MOB3B: variants seen among roughly 807,000 people sequenced by gnomAD.
MOB3B encodes MOB kinase activator 3B, also known as MOB kinase activator-like 2B.
Under a neutral mutation model 18.7 loss-of-function variants are expected in MOB3B, and 7 were observed. The ratio of observed to expected loss-of-function variants is 0.37; its 90% CI spans 0.21 to 0.70. The LOEUF (loss-of-function observed/expected upper bound fraction) is 0.70. Among genes scored for constraint, MOB3B ranks in the 30% least tolerant of loss-of-function variants. The pLI, the probability that MOB3B is intolerant of heterozygous loss-of-function variation, is 0.52. For synonymous variants in MOB3B, 111 were observed against 99.9 expected, an observed-to-expected ratio of 1.11 and a Z score of -0.66; for missense variants, 253 against 281.3, an observed-to-expected ratio of 0.90 and a Z score of 0.72.
intron 3 of MOB3B, among the ~76,000 whole-genome samples, chr9:27,345,775 A>G (rs949907978): frequency 3.3e-5 from 5 of 152,170 alleles, no homozygotes; most frequent in Admixed American, 6.5e-5. Context: ...TGTGTATTTC[A>G]TGGGCTCAGG....
chr9:27,528,944 C>T (rs141369009), intron 1 of MOB3B, among the ~76,000 whole-genome samples: 41 of 152,258 alleles, frequency 2.7e-4, no homozygotes, highest in African/African-American at 9.6e-4. Flanking sequence ...GGCTGGGATT[C>T]CAGATGTTTG....
intron 1 of MOB3B, among the ~76,000 whole-genome samples, chr9:27,516,558 T>C (rs1012788803): frequency 1.3e-5 from 2 of 152,238 alleles, no homozygotes; most frequent in Non-Finnish European, 1.5e-5. Context: ...TACAGTGTTA[T>C]GTTCAAAATT....
intron 2 of MOB3B, among the ~76,000 whole-genome samples, chr9:27,404,521 C>G (rs1821937620): frequency 2.0e-5 from 3 of 151,790 alleles, no homozygotes; most frequent in Middle Eastern, 3.2e-3. Flanking sequence ...CCACGCCTGG[C>G]TAATTTTTGC....
chr9:27,436,979 G>A (rs1822512454), intron 2 of MOB3B, among the ~76,000 whole-genome samples: 1 of 149,528 alleles, frequency 6.7e-6, no homozygotes, highest in Non-Finnish European at 1.5e-5. Context: ...AAGGGAGTAG[G>A]GGGAAGAGCT....
intron 3 of MOB3B, among the ~76,000 whole-genome samples, chr9:27,337,683 C>G (rs951787126): frequency 6.6e-6 from 1 of 152,156 alleles, no homozygotes; most frequent in Non-Finnish European, 1.5e-5. Context: ...CTCAGCTATA[C>G]CGTGTGGGCC....
At chr9:27,448,043 C>G (rs1822720730) in intron 2 of MOB3B, among the ~76,000 whole-genome samples, 1 of 152,140 alleles carries the variant, frequency 6.6e-6, no homozygotes, top group Admixed American at 6.5e-5. Flanking sequence ...TGTCTCAAGG[C>G]ATCCCTTCGA....
intron 2 of MOB3B, among the ~76,000 whole-genome samples, chr9:27,428,664 T>C (rs569758770): frequency 1.6e-4 from 25 of 152,348 alleles, no homozygotes; most frequent in African/African-American, 5.3e-4. Flanking sequence ...AGATGGCCAC[T>C]CAACAAAGGT....
At chr9:27,420,404 C>G (rs1307084015) in intron 2 of MOB3B, among the ~76,000 whole-genome samples, 2 of 151,304 alleles carry the variant, frequency 1.3e-5, no homozygotes, top group East Asian at 3.9e-4. Context: ...TGGAACTAAC[C>G]CAATTGTCCA....
At chr9:27,358,783 C>G in intron 3 of MOB3B, 1 of 695,820 alleles carries the variant, frequency 1.4e-6, no homozygotes, top group Non-Finnish European at 2.7e-6. Context: ...GCTACTCCCT[C>G]TGATCCAAAC....
intron 1 of MOB3B, among the ~76,000 whole-genome samples, chr9:27,462,613 G>A (rs553524279): frequency 6.6e-6 from 1 of 152,298 alleles, no homozygotes; most frequent in East Asian, 1.9e-4. Context: ...TGGGATAAAG[G>A]TCATTGTCAG....
At chr9:27,333,355 T>TAAA (rs34342309) in intron 3 of MOB3B, among the ~76,000 whole-genome samples, 233 of 149,286 alleles carry the variant, frequency 1.6e-3, no homozygotes, top group East Asian at 7.7e-3. Flanking sequence ...AATGAGCTGT[T>TAAA]AAAAAAAAAA....
At chr9:27,346,482 T>G (rs1821032594) in intron 3 of MOB3B, among the ~76,000 whole-genome samples, 1 of 152,222 alleles carries the variant, frequency 6.6e-6, no homozygotes, top group South Asian at 2.1e-4. Flanking sequence ...CTCATAGACT[T>G]GTGTGCAGAT....
chr9:27,471,570 T>A (rs566594834), intron 1 of MOB3B, among the ~76,000 whole-genome samples: 2 of 152,306 alleles, frequency 1.3e-5, no homozygotes, highest in East Asian at 3.9e-4. Flanking sequence ...GCTTACTATA[T>A]CACATTGCTC....
chr9:27,330,832 T>C (rs1292529634), intron 3 of MOB3B, among the ~76,000 whole-genome samples: 1 of 152,108 alleles, frequency 6.6e-6, no homozygotes, highest in Non-Finnish European at 1.5e-5. Flanking sequence ...ATTTGACTCA[T>C]GTATCAAAAT....
chr9:27,524,150 TAAAAAAAAAA>T (rs3081119), intron 1 of MOB3B, among the ~76,000 whole-genome samples: 6 of 90,276 alleles, frequency 6.6e-5, no homozygotes, highest in African/African-American at 2.6e-4. Context: ...TCACCCGAAG[TAAAAAAAAAA>T]AAAAAAAAAA....
intron 1 of MOB3B, among the ~76,000 whole-genome samples, chr9:27,490,579 A>T (rs1194165035): frequency 6.6e-6 from 1 of 152,170 alleles, no homozygotes; most frequent in Non-Finnish European, 1.5e-5. Context: ...GTGCAAAGAC[A>T]TGTAGTGTGA....
chr9:27,441,936 C>T (rs1822600641), intron 2 of MOB3B, among the ~76,000 whole-genome samples: 2 of 152,014 alleles, frequency 1.3e-5, no homozygotes, highest in African/African-American at 4.8e-5. Flanking sequence ...TGACATGAAT[C>T]AAAACAATAA....
chr9:27,509,730 T>C (rs946635188), intron 1 of MOB3B, among the ~76,000 whole-genome samples: 2 of 151,778 alleles, frequency 1.3e-5, no homozygotes, highest in African/African-American at 2.4e-5. Context: ...TTTTTGTTTT[T>C]TTGGAGGTTT....
At chr9:27,441,033 G>A (rs1263145895) in intron 2 of MOB3B, among the ~76,000 whole-genome samples, 1 of 152,066 alleles carries the variant, frequency 6.6e-6, no homozygotes, top group Non-Finnish European at 1.5e-5. Context: ...TCACAATAGG[G>A]TCCGTGCTCC....
Sources: gnomAD v4.1 joint callset for allele counts (sites outside exome capture counted in the v4.1 genomes callset) on GRCh38, gnomAD v4.1.1 for gene constraint, MANE v1.5 for transcripts, NCBI Gene and HGNC (gene_info 2026-07-23, HGNC 2026-07-21) for gene names.